AGBL1: variants seen among roughly 807,000 people sequenced by gnomAD.
AGBL1 encodes AGBL carboxypeptidase 1.
AGBL1 carries 130 observed loss-of-function variants against 118.9 expected under a neutral mutation model. The ratio of observed to expected loss-of-function variants is 1.09; its 90% CI spans 0.95 to 1.26. The LOEUF is 1.26. Ranked by LOEUF, AGBL1 falls within the 50% of genes most tolerant of loss-of-function variation. The pLI is 0.00. For synonymous variants in AGBL1, 555 were observed against 478.9 expected (o/e 1.16, Z -2.08); for missense variants, 1,584 against 1,298.1 (o/e 1.22, Z -3.38).
intron 1 of AGBL1, among the ~76,000 whole-genome samples, chr15:86,117,797 A>G (rs915350308): frequency 2.0e-5 from 3 of 152,226 alleles, no homozygotes; most frequent in Non-Finnish European, 4.4e-5. Flanking sequence ...ATTAGAGATG[A>G]TAGAAGAACA....
At chr15:86,427,452 C>A (rs903482916) in intron 18 of AGBL1, among the ~76,000 whole-genome samples, 1 of 151,906 alleles carries the variant, frequency 6.6e-6, no homozygotes, top group Non-Finnish European at 1.5e-5. Context: ...CTTTATGTTG[C>A]CATTCAGTGT....
intron 22 of AGBL1, among the ~76,000 whole-genome samples, chr15:86,834,487 C>G (rs985384921): frequency 2.6e-5 from 4 of 152,176 alleles, no homozygotes; most frequent in Admixed American, 1.3e-4. Context: ...GAATAATTTA[C>G]AGGCCCTCTT....
chr15:86,698,253 A>G (rs368099758), intron 22 of AGBL1, among the ~76,000 whole-genome samples: 1 of 152,046 alleles, frequency 6.6e-6, no homozygotes, highest in South Asian at 2.1e-4. Context: ...AGTGGGATGC[A>G]GAAAACTGAT....
At chr15:86,105,696 T>C (rs1482156579) in intron 1 of AGBL1, among the ~76,000 whole-genome samples, 1 of 152,198 alleles carries the variant, frequency 6.6e-6, no homozygotes, top group Non-Finnish European at 1.5e-5. Context: ...GAATACAACC[T>C]CTATGTGGTT....
rs538271137 is a variant in AGBL1, at chr15:86,749,364, T to C, written c.3158+74928T>C. Among the ~76,000 whole-genome samples, 35 of 152,306 alleles carry C rather than the reference T, an allele frequency of 2.3e-4. No individual in the cohort carries two copies. In the East Asian group the frequency reaches 6.7e-3, roughly 29 times the overall value. ...GTGAGTTTTGCACATTGATTTTGTA[T>C]CCTGAGACTTTGCTGAAGTTGCTTA... On this transcript the variant is annotated intron_variant, in intron 22 of 22. Coordinates refer to ENST00000614907, the MANE Select transcript of AGBL1 (RefSeq NM_001386094.1).
At chr15:86,598,046 T>G (rs2084436591) in intron 21 of AGBL1, among the ~76,000 whole-genome samples, 1 of 152,146 alleles carries the variant, frequency 6.6e-6, no homozygotes, top group African/African-American at 2.4e-5. Flanking sequence ...ATATTTTGTC[T>G]GGCTGTTGTC....
At chr15:86,496,614 T>G (rs991918652) in intron 18 of AGBL1, among the ~76,000 whole-genome samples, 9 of 152,186 alleles carry the variant, frequency 5.9e-5, no homozygotes, top group African/African-American at 1.9e-4. Context: ...AATATTCATT[T>G]TTGATACCTT....
intron 17 of AGBL1, among the ~76,000 whole-genome samples, chr15:86,362,619 G>C (rs2080821849): frequency 6.6e-6 from 1 of 152,186 alleles, no homozygotes; most frequent in Non-Finnish European, 1.5e-5. Context: ...GACTGAAACA[G>C]AATCTCAGGT....
intron 21 of AGBL1, among the ~76,000 whole-genome samples, chr15:86,572,872 T>C (rs2084031166): frequency 6.6e-6 from 1 of 152,250 alleles, no homozygotes; most frequent in Admixed American, 6.5e-5. Flanking sequence ...TATTTCTGTC[T>C]CACTGTAAGA....
intron 22 of AGBL1, among the ~76,000 whole-genome samples, chr15:86,709,581 T>C (rs1338330069): frequency 2.0e-5 from 3 of 152,164 alleles, no homozygotes; most frequent in Non-Finnish European, 2.9e-5. Flanking sequence ...ATTTATGAAA[T>C]ACATAATGAT....
At chr15:86,698,232 C>T (rs985920087) in intron 22 of AGBL1, among the ~76,000 whole-genome samples, 1 of 151,930 alleles carries the variant, frequency 6.6e-6, no homozygotes, top group Admixed American at 6.6e-5. Context: ...GGTTGGTCTC[C>T]TAGGACATAG....
chr15:86,549,145 C>T (rs536676047), intron 20 of AGBL1, among the ~76,000 whole-genome samples: 4 of 152,178 alleles, frequency 2.6e-5, no homozygotes, highest in African/African-American at 9.6e-5. Flanking sequence ...TACATTTCAT[C>T]ATGAGATTTT....
chr15:86,325,838 T>G (rs2080175904), intron 17 of AGBL1, among the ~76,000 whole-genome samples: 1 of 152,086 alleles, frequency 6.6e-6, no homozygotes, highest in Non-Finnish European at 1.5e-5. Context: ...TTGGGGGTGG[T>G]GGGAAGGGGC....
chr15:86,754,150 G>T (rs562666794), intron 22 of AGBL1, among the ~76,000 whole-genome samples: 2 of 152,086 alleles, frequency 1.3e-5, no homozygotes, highest in Non-Finnish European at 2.9e-5. Flanking sequence ...TGTTTGTGCA[G>T]ATTTAAACAC....
intron 5 of AGBL1, among the ~76,000 whole-genome samples, chr15:86,193,672 G>A (rs12439448): frequency 1.3e-5 from 2 of 152,044 alleles, no homozygotes; most frequent in Admixed American, 6.6e-5. Context: ...ACAAGGGATC[G>A]TGTTTCTTAA....
At chr15:86,104,678 C>T (rs747184210) in intron 1 of AGBL1, among the ~76,000 whole-genome samples, 6 of 152,168 alleles carry the variant, frequency 3.9e-5, no homozygotes, top group South Asian at 2.1e-4. Context: ...TAGGGATGCC[C>T]GTGGGGCTCC....
At chr15:86,532,654 T>A (rs1289487772) in intron 19 of AGBL1, among the ~76,000 whole-genome samples, 1 of 151,034 alleles carries the variant, frequency 6.6e-6, no homozygotes, top group East Asian at 1.9e-4. Context: ...CATCGCCAAG[T>A]CAATCCTAAG....
intron 21 of AGBL1, among the ~76,000 whole-genome samples, chr15:86,630,077 A>G (rs1472550384): frequency 6.6e-6 from 1 of 152,260 alleles, no homozygotes; most frequent in African/African-American, 2.4e-5. Context: ...GAAGAGGATG[A>G]AAATTTCTCC....
intron 23 of AGBL1, among the ~76,000 whole-genome samples, chr15:86,979,189 A>C (rs998594452): frequency 6.6e-6 from 1 of 152,212 alleles, no homozygotes; most frequent in Non-Finnish European, 1.5e-5. Context: ...AAATGTGTCT[A>C]TCTGAGCAAT....
Sources: allele counts gnomAD v4.1 joint callset (sites outside exome capture counted in the v4.1 genomes callset), GRCh38; gene constraint gnomAD v4.1.1; transcripts MANE v1.5; gene names NCBI Gene and HGNC (gene_info 2026-07-23, HGNC 2026-07-21).